Variants in TBC1D5 observed in about 807,000 individuals in gnomAD.
The protein encoded by TBC1D5 is TBC1 domain family member 5, also known as TBC1 domain family, member 5.
A neutral mutation model predicts 100.3 loss-of-function variants in TBC1D5; 75 were observed. That is an observed-to-expected ratio of 0.75 (90% confidence interval 0.62 to 0.91). The LOEUF is 0.91. Among genes scored for constraint, TBC1D5 ranks in the 40% least tolerant of loss-of-function variants. TBC1D5 has a pLI of 0.00. For missense variants in TBC1D5, 910 were observed against 942.4 expected, an observed-to-expected ratio of 0.97 and a Z score of 0.45; for synonymous variants, 323 against 325.6, an observed-to-expected ratio of 0.99 and a Z score of 0.09.
intron 3 of TBC1D5, among the ~76,000 whole-genome samples, chr3:17,437,802 G>A (rs59460836): frequency 0.062 from 9,384 of 152,092 alleles, 555 homozygotes; most frequent in African/African-American, 0.15. Flanking sequence ...TTATTCTGAT[G>A]ATACACAGGC....
At chr3:17,202,018 CAGA>C (rs1272918275) in intron 18 of TBC1D5, among the ~76,000 whole-genome samples, 1 of 152,176 alleles carries the variant, frequency 6.6e-6, no homozygotes, top group East Asian at 1.9e-4. Context: ...TTGGAGAGCT[CAGA>C]AGAAGACAGG....
At chr3:17,399,299 TG>T (rs2152397530) in intron 8 of TBC1D5, among the ~76,000 whole-genome samples, 1 of 152,126 alleles carries the variant, frequency 6.6e-6, no homozygotes, top group African/African-American at 2.4e-5. Context: ...TGGAATGGAC[TG>T]GAAGTGGAAA....
intron 16 of TBC1D5, among the ~76,000 whole-genome samples, chr3:17,249,163 G>T (rs1035365418): frequency 6.6e-6 from 1 of 152,164 alleles, no homozygotes; most frequent in African/African-American, 2.4e-5. Flanking sequence ...CAGCAATAAG[G>T]CTGTTTATTT....
At chr3:17,220,080 T>C (rs2074108647) in intron 17 of TBC1D5, among the ~76,000 whole-genome samples, 2 of 152,186 alleles carry the variant, frequency 1.3e-5, no homozygotes, top group South Asian at 4.1e-4. Context: ...TTTCTTCTAA[T>C]GTTTAGCTGT....
chr3:17,603,369 A>T (rs1236549695), intron 2 of TBC1D5, among the ~76,000 whole-genome samples: 1 of 152,128 alleles, frequency 6.6e-6, no homozygotes, highest in East Asian at 1.9e-4. Context: ...GAACGCACAA[A>T]AACCAAGATG....
chr3:17,722,006 C>A (rs928235195), intron 1 of TBC1D5, among the ~76,000 whole-genome samples: 2 of 151,998 alleles, frequency 1.3e-5, no homozygotes, highest in South Asian at 4.1e-4. Context: ...TTAACTACTA[C>A]TAATAATAAT....
upstream of TBC1D5, among the ~76,000 whole-genome samples, chr3:17,742,191 G>A (rs1482321351): frequency 2.0e-5 from 3 of 152,052 alleles, no homozygotes; most frequent in Admixed American, 6.6e-5. Context: ...CCGCCAGGGA[G>A]CTGAAGGGTC....
intron 13 of TBC1D5, among the ~76,000 whole-genome samples, chr3:17,317,506 A>G (rs2084840632): frequency 6.6e-6 from 1 of 152,206 alleles, no homozygotes; most frequent in Non-Finnish European, 1.5e-5. Flanking sequence ...TGAAAGCTAA[A>G]TGGAAACAAA....
intron 1 of TBC1D5, among the ~76,000 whole-genome samples, chr3:17,639,511 A>AT (rs987258196): frequency 3.9e-5 from 6 of 152,040 alleles, no homozygotes; most frequent in Admixed American, 3.9e-4. Context: ...AAGATGAATC[A>AT]TACCTTTTGC....
chr3:17,311,400 A>G (rs2084016542), intron 13 of TBC1D5, among the ~76,000 whole-genome samples: 1 of 152,058 alleles, frequency 6.6e-6, no homozygotes, highest in South Asian at 2.1e-4. Context: ...TATCTGAGGT[A>G]CTAAATTTAA....
intron 13 of TBC1D5, among the ~76,000 whole-genome samples, chr3:17,353,203 A>T (rs571333527): frequency 6.6e-6 from 1 of 152,148 alleles, no homozygotes; most frequent in South Asian, 2.1e-4. Flanking sequence ...TTGATTTAGA[A>T]GTACACTTAA....
At chr3:17,306,733 A>G (rs1471122338) in intron 14 of TBC1D5, among the ~76,000 whole-genome samples, 2 of 152,168 alleles carry the variant, frequency 1.3e-5, no homozygotes, top group African/African-American at 4.8e-5. Flanking sequence ...TTGCATAAAT[A>G]TTATCCAAAG....
At chr3:17,572,194 T>G (rs1190358196) in intron 2 of TBC1D5, among the ~76,000 whole-genome samples, 2 of 151,832 alleles carry the variant, frequency 1.3e-5, no homozygotes, top group Non-Finnish European at 2.9e-5. Context: ...CTCCTAAGAT[T>G]ATCCCCCAAG....
chr3:17,572,718 C>G (rs968180843), intron 2 of TBC1D5, among the ~76,000 whole-genome samples: 5 of 152,090 alleles, frequency 3.3e-5, no homozygotes, highest in African/African-American at 1.2e-4. Flanking sequence ...ACTTTTGGCA[C>G]TTCACTTCTG....
upstream of TBC1D5, among the ~76,000 whole-genome samples, chr3:17,741,783 ATTTGCCCTCCCTGCGAATTTTTTTTT>A (rs1428337289): frequency 5.1e-4 from 50 of 98,380 alleles, no homozygotes; most frequent in African/African-American, 2.0e-3. Context: ...GGGGAGCGGG[ATTTGCCCTCCCTGCGAATTTTTTTTT>A]TTTTTTTTTT....
chr3:17,371,325 A>T (rs1290285974), intron 13 of TBC1D5, among the ~76,000 whole-genome samples: 2 of 152,220 alleles, frequency 1.3e-5, no homozygotes, highest in Non-Finnish European at 2.9e-5. Context: ...GGCTCCATGC[A>T]TGTACGACTC....
chr3:17,352,750 C>T (rs892357838), intron 13 of TBC1D5, among the ~76,000 whole-genome samples: 5 of 146,718 alleles, frequency 3.4e-5, no homozygotes, highest in Admixed American at 1.4e-4. Context: ...CTTTTATATG[C>T]TAACTCAGAA....
chr3:17,321,490 CCTTT>C (rs1267267138), intron 13 of TBC1D5, among the ~76,000 whole-genome samples: 3 of 152,134 alleles, frequency 2.0e-5, no homozygotes, highest in Admixed American at 1.3e-4. Flanking sequence ...TTAACTGCTT[CCTTT>C]ATTTATTTTG....
At chr3:17,457,897 A>G (rs2095124054) in intron 3 of TBC1D5, among the ~76,000 whole-genome samples, 1 of 152,206 alleles carries the variant, frequency 6.6e-6, no homozygotes, top group Non-Finnish European at 1.5e-5. Context: ...GAAGTTTGTT[A>G]CTTCTACGCT....
Sources: allele counts gnomAD v4.1 joint callset (sites outside exome capture counted in the v4.1 genomes callset), GRCh38; gene constraint gnomAD v4.1.1; transcripts MANE v1.5; gene names NCBI Gene and HGNC (gene_info 2026-07-23, HGNC 2026-07-21).